ARHGAP8: variants seen among roughly 807,000 people sequenced by gnomAD.
ARHGAP8 encodes Rho GTPase activating protein 8, also known as rho GTPase-activating protein 8.
A neutral mutation model predicts 46.1 loss-of-function variants in ARHGAP8; 62 were observed. That is an observed-to-expected ratio of 1.34 (90% CI 1.10 to 1.66). The LOEUF is 1.66. ARHGAP8 is among the 40% of genes most tolerant of loss of function. The probability of loss-of-function intolerance (pLI) is 0.00; values close to 1 mark genes in which losing one functional copy is unlikely to be tolerated. For missense variants in ARHGAP8, 923 were observed against 568.4 expected (o/e 1.62, Z -6.34); for synonymous variants, 375 against 243.1 (o/e 1.54, Z -5.05).
At chr22:44,782,568 G>A (rs1041321534) in intron 1 of ARHGAP8, among the ~76,000 whole-genome samples, 10 of 151,876 alleles carry the variant, frequency 6.6e-5, no homozygotes, top group Admixed American at 1.3e-4. Flanking sequence ...TATTCGGGAC[G>A]CTTCATGTAA....
rs562083676 is a variant in ARHGAP8 at position 44,824,440 on chromosome 22, C to T, written c.486-1043C>T. ...CTGCATTGTCGGGTGCCTAACCCTG[C>T]ACCATCTTGTGTCACTGACTGCCTC... On this transcript the variant is annotated intron_variant, in intron 6 of 11. Coordinates refer to ENST00000356099, the MANE Select transcript of ARHGAP8 (RefSeq NM_181335.3). 9.2e-5 allele frequency among the ~76,000 whole-genome samples: 14 copies of T among 152,268 alleles called. No homozygotes were observed. The South Asian group carries it at 2.5e-3, about 27-fold the overall frequency.
At chr22:44,820,584 CG>C (rs1930055969) in intron 5 of ARHGAP8, among the ~76,000 whole-genome samples, 2 of 152,082 alleles carry the variant, frequency 1.3e-5, no homozygotes, top group Non-Finnish European at 2.9e-5. Flanking sequence ...CCCTTCCCTC[CG>C]GGGGCTGGGG....
chr22:44,771,616 G>A (rs190872562), intron 1 of ARHGAP8, among the ~76,000 whole-genome samples: 46 of 150,546 alleles, frequency 3.1e-4, no homozygotes, highest in African/African-American at 9.0e-4. Flanking sequence ...GTGCAATGGC[G>A]CAATCTCAGC....
intron 4 of ARHGAP8, 167 bp downstream of exon 4, chr22:44,808,605 C>A: frequency 7.7e-7 from 1 of 1,301,608 alleles, no homozygotes; most frequent in Non-Finnish European, 1.1e-6. Flanking sequence ...CCCCTCTGGG[C>A]CAAGCTCTGG....
chr22:44,793,908 C>T (rs964801758), intron 2 of ARHGAP8, among the ~76,000 whole-genome samples: 1 of 152,250 alleles, frequency 6.6e-6, no homozygotes, highest in Non-Finnish European at 1.5e-5. Context: ...GGCATCAACA[C>T]AGATGCGGCA....
chr22:44,786,680 G>T, intron 2 of ARHGAP8, 74 bp downstream of exon 2: 1 of 1,526,988 alleles, frequency 6.5e-7, no homozygotes, highest in Non-Finnish European at 8.8e-7. Context: ...GAGGCAAAGT[G>T]GGCTCGTCAG....
intron 2 of ARHGAP8, among the ~76,000 whole-genome samples, chr22:44,796,197 C>T (rs1928072668): frequency 6.6e-6 from 1 of 152,194 alleles, no homozygotes; most frequent in Admixed American, 6.5e-5. Flanking sequence ...TGTTCTGCTC[C>T]CGGGAATGGC....
rs1930198373 is a variant in ARHGAP8, at chr22:44,822,176, C to A, written c.387-195C>A. Among the ~76,000 whole-genome samples the A allele has an allele frequency of 2.6e-5, 4 of 152,182 alleles. No individual in the cohort carries two copies. The South Asian group carries it at 8.3e-4, about 31-fold the overall frequency. On this transcript the variant is annotated intron_variant, in intron 5 of 11. Transcript: ENST00000356099. ...CCAGCGTGTTTGGTGCATTGGAGATCTCGTGAAAGCAAAATATCTCCCGGC... is the reference window on the plus strand; with the variant it reads ...CCAGCGTGTTTGGTGCATTGGAGATATCGTGAAAGCAAAATATCTCCCGGC...
At chr22:44,759,010 T>C (rs1432058157) in intron 1 of ARHGAP8, among the ~76,000 whole-genome samples, 1 of 152,178 alleles carries the variant, frequency 6.6e-6, no homozygotes, top group Admixed American at 6.5e-5. Flanking sequence ...GTAGGGATCA[T>C]GGCAGAGGCC....
intron 1 of ARHGAP8, among the ~76,000 whole-genome samples, chr22:44,758,559 A>G (rs112247710): frequency 6.6e-6 from 1 of 151,924 alleles, no homozygotes; most frequent in Non-Finnish European, 1.5e-5. Context: ...GCCAATGATG[A>G]TAATAGAAAC....
At chr22:44,811,617 A>G (rs551937049) in intron 4 of ARHGAP8, among the ~76,000 whole-genome samples, 1 of 152,334 alleles carries the variant, frequency 6.6e-6, no homozygotes, top group East Asian at 1.9e-4. Context: ...CAGTAGAAGC[A>G]AAAAGGAGGG....
chr22:44,807,100 C>T (rs1273386868), intron 3 of ARHGAP8, among the ~76,000 whole-genome samples: 1 of 152,180 alleles, frequency 6.6e-6, no homozygotes. Context: ...GTTCTGGGAG[C>T]TTCTGTCTGC....
chr22:44,857,359 G>A (rs904647740), intron 10 of ARHGAP8, among the ~76,000 whole-genome samples: 4 of 152,194 alleles, frequency 2.6e-5, no homozygotes, highest in Non-Finnish European at 1.5e-5. Context: ...AGAAACTGCA[G>A]GGAGGGTCAA....
chr22:44,833,127 C>T (rs1242193221), intron 7 of ARHGAP8, among the ~76,000 whole-genome samples: 3 of 116,122 alleles, frequency 2.6e-5, no homozygotes, highest in African/African-American at 9.6e-5. Context: ...GATAGAGTCT[C>T]CCTCTGTTGC....
At chr22:44,771,241 A>C (rs1297000969) in intron 1 of ARHGAP8, among the ~76,000 whole-genome samples, 1 of 108,816 alleles carries the variant, frequency 9.2e-6, no homozygotes, top group Non-Finnish European at 2.0e-5. Flanking sequence ...TTTGCAAGTA[A>C]ATTTTTTTTT....
At chr22:44,801,957 C>A in intron 2 of ARHGAP8, 120 bp from the exon 3 acceptor site, 3 of 1,163,100 alleles carry the variant, frequency 2.6e-6, no homozygotes, top group East Asian at 2.4e-5. Flanking sequence ...CTCCGAGGAA[C>A]GCTGCTGCCT....
chr22:44,853,839 C>G (rs984835780), intron 10 of ARHGAP8, among the ~76,000 whole-genome samples: 13 of 151,752 alleles, frequency 8.6e-5, no homozygotes, highest in Non-Finnish European at 1.6e-4. Context: ...ACCAGTCTGA[C>G]CAACATGGAG....
At chr22:44,827,419 C>T (rs136668) in intron 7 of ARHGAP8, among the ~76,000 whole-genome samples, 142,866 of 148,060 alleles carry the variant, frequency 0.96, 68,958 homozygotes, top group Admixed American at 0.97. Context: ...CTCAGCTCAC[C>T]GCAACCTCCG....
intron 1 of ARHGAP8, among the ~76,000 whole-genome samples, chr22:44,774,618 G>A: frequency 6.6e-6 from 1 of 151,504 alleles, no homozygotes; most frequent in Admixed American, 6.6e-5. Context: ...TGCCTCCCGG[G>A]TTCAAGTGAT....
Sources: gnomAD v4.1 joint callset for allele counts (sites outside exome capture counted in the v4.1 genomes callset) on GRCh38, gnomAD v4.1.1 for gene constraint, MANE v1.5 for transcripts, NCBI Gene and HGNC (gene_info 2026-07-23, HGNC 2026-07-21) for gene names.